NHSL3: variants seen among roughly 807,000 people sequenced by gnomAD.
NHSL3 encodes the protein NHS-like protein 3.
the NHSL3 span, chr1:32,773,038 AGCCTGGTGTT>A: frequency 2.8e-6 from 2 of 723,358 alleles, no homozygotes; most frequent in Non-Finnish European, 4.9e-6. Flanking sequence ...TACTTATGCA[AGCCTGGTGTT>A]GCTCCTGTCC....
the NHSL3 span, among the ~76,000 whole-genome samples, chr1:32,763,145 G>A: frequency 1.3e-5 from 2 of 151,022 alleles, no homozygotes; most frequent in African/African-American, 4.9e-5. Context: ...CACCATGCCC[G>A]GCTCATTTTT....
At chr1:32,748,581 G>T in the NHSL3 span, among the ~76,000 whole-genome samples, 1 of 152,168 alleles carries the variant, frequency 6.6e-6, no homozygotes, top group Non-Finnish European at 1.5e-5. Context: ...CCTGGTGTCA[G>T]TGTCATCTCT....
the NHSL3 span, chr1:32,753,888 T>A: frequency 1.4e-4 from 28 of 203,746 alleles, no homozygotes; most frequent in Non-Finnish European, 2.3e-4. Context: ...GCCGACGGGA[T>A]GCGCGCCAGG....
chr1:32,771,024 T>C, the NHSL3 span: 1 of 1,546,808 alleles, frequency 6.5e-7, no homozygotes, highest in Non-Finnish European at 8.8e-7. Flanking sequence ...AACCAGAGCG[T>C]GTCACGTCTC....
At chr1:32,768,134 G>C in the NHSL3 span, 2 of 1,524,980 alleles carry the variant, frequency 1.3e-6, no homozygotes, top group Non-Finnish European at 1.8e-6. Context: ...CCTGCCTCCA[G>C]CTCAGTCCTG....
chr1:32,769,807 G>T, the NHSL3 span: 16 of 1,597,734 alleles, frequency 1.0e-5, no homozygotes, highest in Middle Eastern at 1.7e-4. Flanking sequence ...GGTTAGGAGG[G>T]CAGTGGTGGG....
the NHSL3 span, among the ~76,000 whole-genome samples, chr1:32,763,788 G>A: frequency 5.3e-5 from 8 of 152,192 alleles, no homozygotes; most frequent in East Asian, 1.6e-3. Flanking sequence ...TGGCCAGGCT[G>A]GTCTCAAACT....
chr1:32,762,966 T>G, the NHSL3 span, among the ~76,000 whole-genome samples: 3 of 150,006 alleles, frequency 2.0e-5, no homozygotes, highest in Non-Finnish European at 4.4e-5. Flanking sequence ...TGAGCCACAG[T>G]GCTAGCCTGG....
chr1:32,749,035 C>T, the NHSL3 span, among the ~76,000 whole-genome samples: 1 of 152,136 alleles, frequency 6.6e-6, no homozygotes, highest in Non-Finnish European at 1.5e-5. Flanking sequence ...TCCTGGGCCT[C>T]ATGAACCTCA....
the NHSL3 span, among the ~76,000 whole-genome samples, chr1:32,760,577 T>C: frequency 2.1e-5 from 3 of 142,062 alleles, no homozygotes; most frequent in Non-Finnish European, 3.1e-5. Flanking sequence ...GCTTTATGGG[T>C]GTGTGTGTGT....
chr1:32,741,964 C>A, the NHSL3 span: 7 of 1,094,088 alleles, frequency 6.4e-6, no homozygotes, highest in African/African-American at 1.2e-4. This position sits in a 1 kb window ranked among gnomAD's most constrained non-coding sequence, Gnocchi z 4.3. Flanking sequence ...CATGGCGGCC[C>A]GCGCGCCCCC....
the NHSL3 span, chr1:32,769,597 T>C: frequency 3.5e-6 from 4 of 1,143,400 alleles, no homozygotes; most frequent in African/African-American, 3.1e-5. Flanking sequence ...AGAGCTCTTA[T>C]TACAAAAGTA....
At chr1:32,746,072 A>T in the NHSL3 span, among the ~76,000 whole-genome samples, 1 of 151,912 alleles carries the variant, frequency 6.6e-6, no homozygotes, top group Non-Finnish European at 1.5e-5. Flanking sequence ...CTACTAAAAA[A>T]TACAAAAAAT....
the NHSL3 span, among the ~76,000 whole-genome samples, chr1:32,749,878 G>A: frequency 9.9e-5 from 15 of 152,228 alleles, no homozygotes; most frequent in South Asian, 2.9e-3. Flanking sequence ...GGGTTGAACT[G>A]TGGTGGCCAA....
At chr1:32,762,880 G>T in the NHSL3 span, among the ~76,000 whole-genome samples, 1 of 151,968 alleles carries the variant, frequency 6.6e-6, no homozygotes. Context: ...GGGCCACCAC[G>T]CCCGGCCCGG....
the NHSL3 span, chr1:32,765,662 G>T: frequency 6.5e-7 from 1 of 1,533,996 alleles, no homozygotes; most frequent in Non-Finnish European, 8.7e-7. Flanking sequence ...GCGGCGGGGC[G>T]GGAGGGCTCG....
At chr1:32,757,110 G>A in the NHSL3 span, among the ~76,000 whole-genome samples, 9 of 152,254 alleles carry the variant, frequency 5.9e-5, no homozygotes, top group Admixed American at 3.9e-4. Context: ...AGTCATCCTC[G>A]GCCTCAGCCT....
chr1:32,771,924 C>A, the NHSL3 span: 4 of 1,597,886 alleles, frequency 2.5e-6, no homozygotes, highest in Non-Finnish European at 3.4e-6. Flanking sequence ...TGCGAAGGGC[C>A]CTGTCAGGGC....
the NHSL3 span, among the ~76,000 whole-genome samples, chr1:32,753,699 T>C: frequency 6.6e-6 from 1 of 152,192 alleles, no homozygotes; most frequent in Non-Finnish European, 1.5e-5. Flanking sequence ...GCTGGTGGGC[T>C]CTAGCGGCAG....
Sources: allele counts gnomAD v4.1 joint callset (sites outside exome capture counted in the v4.1 genomes callset), GRCh38; gene constraint gnomAD v4.1.1; non-coding constraint Gnocchi (gnomAD v3.1); transcripts MANE v1.5; gene names NCBI Gene and HGNC (gene_info 2026-07-23, HGNC 2026-07-21).